Variants in LHX1 observed in about 807,000 individuals in gnomAD.
LHX1 encodes the protein LIM homeobox 1.
A neutral mutation model predicts 34.1 loss-of-function variants in LHX1; 9 were observed. The ratio of observed to expected loss-of-function variants is 0.26; its 90% CI spans 0.16 to 0.46. The LOEUF is 0.46. Ranked by LOEUF, LHX1 falls within the 20% of genes least tolerant of loss-of-function variation. The pLI is 1.00. For missense variants in LHX1, 446 were observed against 559.1 expected (o/e 0.80, Z 2.04); for synonymous variants, 254 against 241.5 (o/e 1.05, Z -0.48).
In LHX1 at chr17:36,938,076, C is replaced by T; in HGVS notation, c.-122C>T. On this transcript the variant is annotated 5_prime_UTR_variant, in exon 1 of 5. Coordinates refer to ENST00000614239, the MANE Select transcript of LHX1 (RefSeq NM_005568.5). ...TGGTGCGAGTTTTGGCTTGCACGGC[C>T]GAGTGTGTGTCCTCTTTTTGGAGAG... 3 of 967,306 alleles carry T rather than the reference C, an allele frequency of 3.1e-6. No homozygotes were observed. The highest frequency in any genetic ancestry group is 1.4e-5 in the South Asian group (1 of 72,220). 59.9% of individuals were successfully genotyped at this position (967,306 alleles called of 1,614,324 possible). A position where few individuals can be genotyped will look rare whatever the true frequency, so the allele number is the denominator to read the frequency against.
At position 36,938,169 on chromosome 17, in the gene LHX1, C is replaced by T. The variant is rs373965589; in HGVS notation, c.-29C>T. 14 of 1,612,258 alleles carry T rather than the reference C, an allele frequency of 8.7e-6. No individual in the cohort carries two copies. The African/African-American group carries it at 1.2e-4, about 14-fold the overall frequency. On this transcript the variant is annotated 5_prime_UTR_variant, in exon 1 of 5. Transcript: ENST00000614239. Reference sequence around the variant, plus strand: ...GGCTCTACTTTGCCCCTCTCTCTCTCTGGGCCTCATCAGACCAAACCAAAG... The same window carrying T: ...GGCTCTACTTTGCCCCTCTCTCTCTTTGGGCCTCATCAGACCAAACCAAAG...
At chr17:36,939,889 T>C (rs895634297) in intron 1 of LHX1, among the ~76,000 whole-genome samples, 1 of 152,264 alleles carries the variant, frequency 6.6e-6, no homozygotes, top group Non-Finnish European at 1.5e-5. Context: ...ATTCGACTTT[T>C]CTGAATCTAA....
intron 1 of LHX1, 152 bp downstream of exon 1, chr17:36,938,519 G>T: frequency 1.3e-6 from 1 of 766,312 alleles, no homozygotes; most frequent in Non-Finnish European, 2.2e-6. Flanking sequence ...CTCTCCGCCA[G>T]CTGGCGCGCT....
chr17:36,940,805 C>T lies in LHX1; in HGVS notation c.593C>T (p.Ala198Val), dbSNP rs991859414. The T allele has an allele frequency of 1.2e-6, 2 of 1,607,330 alleles. No homozygotes were observed. Among genetic ancestry groups the T allele is most frequent in the Non-Finnish European group, 1.7e-6 (2 of 1,178,390 alleles). ...KAKQLETLKA[A>V]FAATPKPTRH... The stretch of plus-strand genomic sequence containing the variant: ...AAGCAGCTGGAGACGCTGAAGGCCG[C>T]CTTCGCTGCTACACCCAAGCCCACC... Residue 198 changes from alanine to valine, a missense_variant, in exon 3 of 5, where the codon GCC (alanine) becomes GTC (valine). Transcript: ENST00000614239.
Position 36,942,999 on chromosome 17 carries a change from G to A in LHX1, c.1089G>A (p.Gly363=), listed in dbSNP as rs2070777284. 12 of 1,611,170 alleles carry A rather than the reference G, an allele frequency of 7.4e-6. No homozygotes were observed. Among genetic ancestry groups the A allele is most frequent in the Non-Finnish European group, 1.0e-5 (12 of 1,179,064 alleles). ...CCAGCCCCGAGCCCAGCCTGCCCGG[G>A]CCTCTGCACTCCATGTCGGCCGAGG... ...DSPSPEPSLP[G]PLHSMSAEVF... The change falls in exon 5 of 5, where the codon GGG becomes GGA. Residue 363 remains glycine, a synonymous_variant. Coordinates refer to ENST00000614239, the MANE Select transcript of LHX1 (RefSeq NM_005568.5).
rs184511261 is a variant in LHX1 at position 36,937,586 on chromosome 17, C to T, written c.-612C>T. The T allele has an allele frequency of 1.3e-5, 4 of 313,772 alleles. No individual in the cohort carries two copies. The highest frequency in any genetic ancestry group is 4.8e-5 in the South Asian group (2 of 41,506). 19.4% of individuals were successfully genotyped at this position (313,772 alleles called of 1,614,324 possible). Reference sequence around the variant, plus strand: ...CGCGTCCAGACCCGCGGCGCGATGCCGGCAGTTTAGGATCCAAAGCTTCTC... The same window carrying T: ...CGCGTCCAGACCCGCGGCGCGATGCTGGCAGTTTAGGATCCAAAGCTTCTC... On this transcript the variant is annotated 5_prime_UTR_variant, in exon 1 of 5. Coordinates refer to ENST00000614239, the MANE Select transcript of LHX1 (RefSeq NM_005568.5).
Position 36,940,680 on chromosome 17 carries a change from G to C in LHX1, c.468G>C (p.Ser156=). The C allele has an allele frequency of 6.2e-7, 1 of 1,613,820 alleles. No individual in the cohort carries two copies. Residue 156 remains serine (S), a synonymous_variant, in exon 3 of 5, where the codon TCG becomes TCC. Coordinates refer to ENST00000614239, the MANE Select transcript of LHX1 (RefSeq NM_005568.5). The stretch of plus-strand genomic sequence containing the variant: ...CGTCGCAGGACGACGCCAAGGACTC[G>C]GAGAGCGCCAACGTGTCGGACAAGG... ...QDPSQDDAKD[S]ESANVSDKEA...
chr17:36,937,718 A>G lies in LHX1; in HGVS notation c.-480A>G, dbSNP rs1217660538. 9.0e-6 allele frequency: 4 copies of G among 444,184 alleles called. No individual in the cohort carries two copies. The highest frequency in any genetic ancestry group is 1.8e-5 in the Non-Finnish European group (4 of 220,736). 27.5% of individuals were successfully genotyped at this position (444,184 alleles called of 1,614,324 possible). On this transcript the variant is annotated 5_prime_UTR_variant, in exon 1 of 5. An upstream start codon of the reference 5' UTR is lost. Transcript: ENST00000614239. ...CGCCCTCATACCCCGACAAAAGCAG[A>G]TGCACTTTGACTTCTGACAGCTCTA... is the stretch of plus-strand genomic sequence containing the variant.
rs2070775427 is a variant in LHX1, at chr17:36,942,882, G to T, written c.972G>T (p.Leu324=). Residue 324 remains leucine (L), a synonymous_variant, in exon 5 of 5, where the codon CTG becomes CTT. Coordinates refer to ENST00000614239, the MANE Select transcript of LHX1 (RefSeq NM_005568.5). ...VPSSGPSGTP[L]GGLEHPLPGH... ...CATCTGGGCCGTCCGGGACGCCCCT[G>T]GGTGGCCTGGAGCACCCGCTGCCGG... 1 of 1,594,742 alleles carries T rather than the reference G, an allele frequency of 6.3e-7. No homozygotes were observed. Among genetic ancestry groups the T allele is most frequent in the Non-Finnish European group, 8.5e-7 (1 of 1,170,670 alleles).
Position 36,938,574 on chromosome 17 carries a change from T to A in LHX1, c.170+207T>A, listed in dbSNP as rs1033766679. 2.9e-5 allele frequency: 19 copies of A among 659,444 alleles called. No individual in the cohort carries two copies. The African/African-American group carries it at 3.2e-4, about 11-fold the overall frequency. 40.8% of individuals were successfully genotyped at this position (659,444 alleles called of 1,614,324 possible). Reference sequence around the variant, plus strand: ...CTGCTTGCATCCTGGAAACTATGGGTCTGGGTTTGGCTGCATGTGCCTGGG... The same window carrying A: ...CTGCTTGCATCCTGGAAACTATGGGACTGGGTTTGGCTGCATGTGCCTGGG... On this transcript the variant is annotated intron_variant, in intron 1 of 4. Transcript: ENST00000614239.
chr17:36,940,044 G>C, intron 1 of LHX1: 2 of 597,428 alleles, frequency 3.3e-6, no homozygotes, highest in South Asian at 4.0e-5. Flanking sequence ...CTAACCGCGT[G>C]TATCCCCTCC....
chr17:36,942,302 C>G lies in LHX1; in HGVS notation c.778C>G (p.Pro260Ala), dbSNP rs780470261. 102 of 1,593,930 alleles carry G rather than the reference C, an allele frequency of 6.4e-5. No individual in the cohort carries two copies. Among genetic ancestry groups the G allele is most frequent in the Non-Finnish European group, 8.4e-5 (99 of 1,171,766 alleles). ...CTTCCGCAGTCCGCGCCGGATGCGGCCGCTGGTGGACCGCCTGGAGCCGGG... is the reference window on the plus strand; with the variant it reads ...CTTCCGCAGTCCGCGCCGGATGCGGGCGCTGGTGGACCGCCTGGAGCCGGG... ...AFFRSPRRMR[P>A]LVDRLEPGEL... Residue 260 changes from proline to alanine, a missense_variant, in exon 4 of 5, where the codon CCG (proline) becomes GCG (alanine). Coordinates refer to ENST00000614239, the MANE Select transcript of LHX1 (RefSeq NM_005568.5).
Position 36,943,189 on chromosome 17 carries a change from G to C in LHX1, c.*58G>C. 1 of 1,202,352 alleles carries C rather than the reference G, an allele frequency of 8.3e-7. No individual in the cohort carries two copies. The highest frequency in any genetic ancestry group is 1.1e-6 in the Non-Finnish European group (1 of 920,114). 74.5% of individuals were successfully genotyped at this position (1,202,352 alleles called of 1,614,324 possible). A position where few individuals can be genotyped will look rare whatever the true frequency, so the allele number is the denominator to read the frequency against. On this transcript the variant is annotated 3_prime_UTR_variant, in exon 5 of 5. Transcript: ENST00000614239. ...TGTACAGAAATGAACCTTTATTTAAGAAAAATAGAAAAAAAAAAACATAAA... is the reference window on the plus strand; with the variant it reads ...TGTACAGAAATGAACCTTTATTTAACAAAAATAGAAAAAAAAAAACATAAA...
intron 1 of LHX1, among the ~76,000 whole-genome samples, chr17:36,939,387 G>A (rs1597688362): frequency 6.6e-6 from 1 of 152,178 alleles, no homozygotes; most frequent in Admixed American, 6.5e-5. Flanking sequence ...GCAGGAGGAA[G>A]AGGGATTCAA....
At position 36,938,150 on chromosome 17, in the gene LHX1, A is replaced by C; in HGVS notation, c.-48A>C. The C allele has an allele frequency of 6.3e-7, 1 of 1,597,354 alleles. No homozygotes were observed. The highest frequency in any genetic ancestry group is 8.6e-7 in the Non-Finnish European group (1 of 1,166,662). ...CTTCAGGAGTCATCCCCTGGGCTCT[A>C]CTTTGCCCCTCTCTCTCTCTGGGCC... On this transcript the variant is annotated 5_prime_UTR_variant, in exon 1 of 5. Transcript: ENST00000614239.
chr17:36,937,411 GT>G (rs2142176954), upstream of LHX1: 1 of 328,896 alleles, frequency 3.0e-6, no homozygotes, highest in Admixed American at 4.3e-5. Flanking sequence ...GTCCCTCTCT[GT>G]TTTCGATTGA....
In LHX1 at chr17:36,943,189, G is replaced by T. The variant is rs1320189880; in HGVS notation, c.*58G>T. On this transcript the variant is annotated 3_prime_UTR_variant, in exon 5 of 5. Coordinates refer to ENST00000614239, the MANE Select transcript of LHX1 (RefSeq NM_005568.5). ...TGTACAGAAATGAACCTTTATTTAA[G>T]AAAAATAGAAAAAAAAAAACATAAA... The T allele has an allele frequency of 1.0e-4, 125 of 1,201,840 alleles. No individual in the cohort carries two copies. Among genetic ancestry groups the T allele is most frequent in the Middle Eastern group, 2.3e-4 (1 of 4,438 alleles). The allele number at this position is 1,201,840 out of a possible 1,614,324, so 74.4% of individuals were successfully genotyped here. A position where few individuals can be genotyped will look rare whatever the true frequency, so the allele number is the denominator to read the frequency against.
rs1400201380 is a variant in LHX1 at position 36,939,368 on chromosome 17, A to T, written c.171-922A>T. On this transcript the variant is annotated intron_variant, in intron 1 of 4. Transcript: ENST00000614239. ...TTTCTGAGTTTGTGGTCATAGTTCA[A>T]ACCAGGGAGCAGGAGGAAGAGGGAT... Among the ~76,000 whole-genome samples, 4 of 152,146 alleles carry T rather than the reference A, an allele frequency of 2.6e-5. No individual in the cohort carries two copies. The East Asian group carries it at 7.7e-4, about 29-fold the overall frequency.
chr17:36,937,026 C>T (rs1370070506), upstream of LHX1: 2 of 256,856 alleles, frequency 7.8e-6, no homozygotes, highest in Admixed American at 6.5e-5. Context: ...CGACTCCTCC[C>T]GCTGCAAAAG....
Sources: gnomAD v4.1 joint callset for allele counts (sites outside exome capture counted in the v4.1 genomes callset) on GRCh38, gnomAD v4.1.1 for gene constraint, MANE v1.5 for transcripts, NCBI Gene and HGNC (gene_info 2026-07-23, HGNC 2026-07-21) for gene names.